The following PLA2G1B variants were observed in gnomAD, a reference collection of about 807,000 sequenced individuals.
PLA2G1B encodes the protein phospholipase A2 group IB.
PLA2G1B carries 12 observed loss-of-function variants against 12.5 expected under a neutral mutation model. That is an observed-to-expected ratio of 0.96 (90% confidence interval 0.62 to 1.56). The LOEUF (loss-of-function observed/expected upper bound fraction) is 1.56, where lower values mean the gene tolerates loss of function less well. Ranked by LOEUF, PLA2G1B falls within the 40% of genes most tolerant of loss-of-function variation. PLA2G1B has a pLI of 0.00. For missense variants in PLA2G1B, 189 were observed against 186.7 expected, an observed-to-expected ratio of 1.01 and a Z score of -0.07; for synonymous variants, 81 against 73.4, an observed-to-expected ratio of 1.10 and a Z score of -0.53.
At chr12:120,327,690 AG>A in intron 1 of PLA2G1B, 29 bp downstream of exon 1, 7 of 1,609,730 alleles carry the variant, frequency 4.3e-6, no homozygotes, top group Non-Finnish European at 6.0e-6. Context: ...TGGGAGAGAA[AG>A]GCGGGTGGAG....
intron 1 of PLA2G1B, among the ~76,000 whole-genome samples, chr12:120,326,463 C>A (rs141534254): frequency 6.7e-6 from 1 of 149,510 alleles, no homozygotes; most frequent in Non-Finnish European, 1.5e-5. Context: ...CTGCCTCAGC[C>A]TCCCTAGGTC....
chr12:120,326,607 T>C (rs1406680285), intron 1 of PLA2G1B, among the ~76,000 whole-genome samples: 1 of 147,674 alleles, frequency 6.8e-6, no homozygotes, highest in Non-Finnish European at 1.5e-5. Context: ...ATAATAATAA[T>C]AATAATAATA....
rs1873378639 is a variant in PLA2G1B, at chr12:120,327,742, A to G, written c.12T>C (p.Leu4=). 2.5e-6 allele frequency: 4 copies of G among 1,614,046 alleles called. No individual in the cohort carries two copies. The highest frequency in any genetic ancestry group is 3.4e-6 in the Non-Finnish European group (4 of 1,179,920). Residue 4 remains leucine, a synonymous_variant, in exon 1 of 4, where the codon CTT becomes CTC. Transcript: ENST00000308366. MKL[L]VLAVLLTVAA... ...TACCTGTGAGCAGCACAGCTAGCACAAGGAGTTTCATCTTGCAGTCAAGGT... is the reference window on the plus strand; with the variant it reads ...TACCTGTGAGCAGCACAGCTAGCACGAGGAGTTTCATCTTGCAGTCAAGGT...
chr12:120,324,797 G>A (rs1161576830), intron 3 of PLA2G1B, 137 bp downstream of exon 3: 1 of 833,680 alleles, frequency 1.2e-6, no homozygotes, highest in African/African-American at 1.7e-5. Flanking sequence ...ATCCCATAGT[G>A]TTGTTCTGAG....
Position 120,323,651 on chromosome 12 carries a change from A to AGTGT in PLA2G1B, c.322+1279_322+1282dup, listed in dbSNP as rs368190336. On this transcript the variant is annotated intron_variant, in intron 3 of 3. Transcript: ENST00000308366. ...AAACATTAAAAAAAAACTGTGTGTGAGTGTGTGTGTGTGTGTGTATTTCTC... is the reference window on the plus strand; with the variant it reads ...AAACATTAAAAAAAAACTGTGTGTGAGTGTGTGTGTGTGTGTGTGTGTATTTCTC... Among the ~76,000 whole-genome samples, 834 of 150,352 alleles carry AGTGT rather than the reference A, an allele frequency of 5.5e-3. 10 individuals carry two copies. The highest frequency in any genetic ancestry group is 0.019 in the African/African-American group (786 of 41,068).
chr12:120,326,736 C>T (rs1280534029), intron 1 of PLA2G1B, among the ~76,000 whole-genome samples: 2 of 151,760 alleles, frequency 1.3e-5, no homozygotes, highest in South Asian at 4.2e-4. Flanking sequence ...TTTGGGAGGC[C>T]GAGGCAGGCG....
chr12:120,326,344 GTT>G (rs35592348), intron 1 of PLA2G1B, among the ~76,000 whole-genome samples: 4 of 127,568 alleles, frequency 3.1e-5, no homozygotes, highest in Admixed American at 8.2e-5. Flanking sequence ...AGGCCTGATA[GTT>G]TTTTTTTTTT....
intron 1 of PLA2G1B, among the ~76,000 whole-genome samples, chr12:120,327,404 G>A (rs1159903474): frequency 2.0e-5 from 3 of 152,214 alleles, no homozygotes; most frequent in Non-Finnish European, 4.4e-5. Flanking sequence ...GAGCCCACGA[G>A]TTGGAAGCTG....
In PLA2G1B at chr12:120,326,028, AAGACATAGCCAG is replaced by A; in HGVS notation, c.35-20_35-9del. The A allele has an allele frequency of 6.2e-7, 1 of 1,613,330 alleles. No homozygotes were observed. Among genetic ancestry groups the A allele is most frequent in the Non-Finnish European group, 8.5e-7 (1 of 1,179,924 alleles). ...CGCTGTCGGCGGCGGCCACTGCAAG[AAGACATAGCCAG>A]AGTTCAAATCGGTCTGCCAGCACCC... On this transcript the variant is annotated splice_polypyrimidine_tract_variant and intron_variant, in intron 1 of 3. Transcript: ENST00000308366.
chr12:120,324,265 C>T (rs759835777), intron 3 of PLA2G1B, among the ~76,000 whole-genome samples: 2 of 151,298 alleles, frequency 1.3e-5, no homozygotes, highest in Admixed American at 6.6e-5. Context: ...GTGAGCTGAA[C>T]GGAGGTTGAG....
intron 2 of PLA2G1B, among the ~76,000 whole-genome samples, chr12:120,325,268 A>C (rs9657933): frequency 0.059 from 9,015 of 151,600 alleles, 399 homozygotes; most frequent in Non-Finnish European, 0.096. Context: ...TCTGTTACCC[A>C]GGCTGGACAG....
chr12:120,327,672 A>G (rs973796151), intron 1 of PLA2G1B, 48 bp downstream of exon 1: 5 of 1,579,618 alleles, frequency 3.2e-6, no homozygotes, highest in African/African-American at 1.3e-5. Context: ...GTGAGATCTT[A>G]GCTCACTTGG....
chr12:120,322,123 A>G lies in PLA2G1B; in HGVS notation c.*70T>C. 6.7e-7 allele frequency: 1 copy of G among 1,490,638 alleles called. No individual in the cohort carries two copies. The allele number at this position is 1,490,638 out of a possible 1,614,324, so 92.3% of individuals were successfully genotyped here. On this transcript the variant is annotated 3_prime_UTR_variant, in exon 4 of 4. Transcript: ENST00000308366. ...CAATATCCAAACATGAGGTCTTTCA[A>G]CAAGGTGCTTTATTGGAGAGTACAG...
In PLA2G1B at chr12:120,325,003, A is replaced by G. The variant is rs371776510; in HGVS notation, c.253T>C (p.Phe85Leu). ...TGGGTGTACGGGTTGTCCAGCAGAA[A>G]TTTACAGCTGTCCAGCTTCTTGGCC... ...DQAKKLDSCK[F>L]LLDNPYTHTY... The change falls in exon 3 of 4, where the codon TTT becomes CTT. Residue 85 changes from phenylalanine to leucine, a missense_variant. Physicochemically the swap from Phe to Leu is conservative, Grantham distance 22 (BLOSUM62 0). Coordinates refer to ENST00000308366, the MANE Select transcript of PLA2G1B (RefSeq NM_000928.3). 1 of 1,614,038 alleles carries G rather than the reference A, an allele frequency of 6.2e-7. No individual in the cohort carries two copies. Among genetic ancestry groups the G allele is most frequent in the Non-Finnish European group, 8.5e-7 (1 of 1,179,978 alleles).
intron 1 of PLA2G1B, 43 bp from the exon 2 acceptor site, chr12:120,326,063 C>T (rs1169316268): frequency 1.9e-6 from 3 of 1,603,280 alleles, no homozygotes; most frequent in Admixed American, 3.3e-5. Context: ...TCTGCCAGCA[C>T]CCCGGGGACA....
intron 3 of PLA2G1B, among the ~76,000 whole-genome samples, chr12:120,322,838 C>T (rs775132556): frequency 2.0e-4 from 30 of 152,024 alleles, no homozygotes; most frequent in Non-Finnish European, 4.1e-4. Flanking sequence ...CCATTTGCCT[C>T]GGCCTCCCAA....
rs375742049 is a variant in PLA2G1B, at chr12:120,322,279, C to T, written c.361G>A (p.Asp121Asn). ...KECEAFICNC[D>N]RNAAICFSKA... The stretch of plus-strand genomic sequence containing the variant: ...GAAAAGCAGATGGCAGCGTTGCGGT[C>T]GCAGTTGCAAATGAAGGCCTCACAC... Residue 121 changes from aspartate to asparagine, a missense_variant, in exon 4 of 4, where the codon GAC (aspartate) becomes AAC (asparagine). By Grantham distance (23) the Asp-to-Asn change is conservative. Transcript: ENST00000308366. 72 of 1,613,738 alleles carry T rather than the reference C, an allele frequency of 4.5e-5. No individual in the cohort carries two copies. The highest frequency in any genetic ancestry group is 4.3e-4 in the African/African-American group (32 of 74,858).
intron 3 of PLA2G1B, 44 bp from the exon 4 acceptor site, chr12:120,322,361 G>C: frequency 1.3e-6 from 2 of 1,589,442 alleles, no homozygotes; most frequent in Non-Finnish European, 1.7e-6. Context: ...GGTGGACCCT[G>C]TTTTGTACAA....
rs754918548 is a variant in PLA2G1B, at chr12:120,322,161, C to T, written c.*32G>A. On this transcript the variant is annotated 3_prime_UTR_variant, in exon 4 of 4. Transcript: ENST00000308366. ...TTGGAGAGTACAGTGTGAGATGAGG[C>T]AGATAGAGGTGATGCTTTTGAGAGG... The T allele has an allele frequency of 6.2e-6, 10 of 1,609,170 alleles. No individual in the cohort carries two copies. In the South Asian group the frequency reaches 1.1e-4, roughly 18 times the overall value.
Sources: gnomAD v4.1 joint callset for allele counts (sites outside exome capture counted in the v4.1 genomes callset) on GRCh38, gnomAD v4.1.1 for gene constraint, MANE v1.5 for transcripts, NCBI Gene and HGNC (gene_info 2026-07-23, HGNC 2026-07-21) for gene names.